CPNE4: variants seen among roughly 807,000 people sequenced by gnomAD.
CPNE4 encodes the protein copine 4, also known as copine-4.
Under a neutral mutation model 67.9 loss-of-function variants are expected in CPNE4, and 25 were observed. That is an observed-to-expected ratio of 0.37 (90% CI 0.27 to 0.51). The LOEUF (loss-of-function observed/expected upper bound fraction) is 0.51. Among genes scored for constraint, CPNE4 ranks in the 20% least tolerant of loss-of-function variants. CPNE4 has a pLI of 0.93. For missense variants in CPNE4, 464 were observed against 690.8 expected (o/e 0.67, Z 3.68); for synonymous variants, 242 against 244.9 (o/e 0.99, Z 0.11).
chr3:131,875,123 G>T (rs1380694535), intron 2 of CPNE4, among the ~76,000 whole-genome samples: 1 of 152,072 alleles, frequency 6.6e-6, no homozygotes, highest in African/African-American at 2.4e-5. Flanking sequence ...TAAAATATCT[G>T]GGATTTCATC....
At chr3:131,988,750 A>G (rs1347712818) in intron 1 of CPNE4, among the ~76,000 whole-genome samples, 3 of 152,202 alleles carry the variant, frequency 2.0e-5, no homozygotes. Context: ...TTTAGTTAAC[A>G]TAGTTTTCCA....
chr3:131,710,122 ATATT>A (rs1402220807), intron 3 of CPNE4, among the ~76,000 whole-genome samples: 1 of 152,218 alleles, frequency 6.6e-6, no homozygotes, highest in Non-Finnish European at 1.5e-5. Context: ...GAATCCATAT[ATATT>A]TATTTGAATA....
chr3:131,958,609 C>CTTTTTTTTT lies in CPNE4; in HGVS notation c.-1-53174_-1-53166dup, dbSNP rs748126986. 7.6e-3 allele frequency among the ~76,000 whole-genome samples: 726 copies of CTTTTTTTTT among 95,840 alleles called. 57 individuals carry two copies. Among genetic ancestry groups the CTTTTTTTTT allele is most frequent in the African/African-American group, 9.5e-3 (190 of 20,014 alleles). 62.9% of individuals were successfully genotyped at this position (95,840 alleles called of 152,430 possible). ...CAATTGATACACCTTTCTTTCTTTTCTTTTTTTTTTTTTTTTTTTTTTTTT... is the reference window on the plus strand; with the variant it reads ...CAATTGATACACCTTTCTTTCTTTTCTTTTTTTTTTTTTTTTTTTTTTTTTTTTTTTTTT... On this transcript the variant is annotated intron_variant, in intron 1 of 15. Transcript: ENST00000429747.
chr3:131,916,028 C>G (rs1222035949), intron 1 of CPNE4, among the ~76,000 whole-genome samples: 1 of 152,118 alleles, frequency 6.6e-6, no homozygotes, highest in South Asian at 2.1e-4. Context: ...TAAATTTGAA[C>G]TAAATCGCAA....
intron 2 of CPNE4, among the ~76,000 whole-genome samples, chr3:131,816,163 T>C (rs1484111642): frequency 1.3e-5 from 2 of 152,182 alleles, no homozygotes; most frequent in Non-Finnish European, 2.9e-5. Context: ...TATAGCTACT[T>C]AATTATATGT....
intron 2 of CPNE4, among the ~76,000 whole-genome samples, chr3:131,728,682 G>A (rs563065383): frequency 1.2e-4 from 18 of 152,054 alleles, no homozygotes; most frequent in African/African-American, 3.6e-4. Flanking sequence ...AGGCCGAGGC[G>A]GGCGGATCAC....
chr3:131,689,579 G>A (rs1018022546), intron 5 of CPNE4, among the ~76,000 whole-genome samples: 2 of 112,512 alleles, frequency 1.8e-5, no homozygotes, highest in Admixed American at 1.7e-4. Flanking sequence ...TTATGCTTAT[G>A]CCATCTATGA....
At chr3:131,726,294 G>A (rs2081997683) in intron 2 of CPNE4, among the ~76,000 whole-genome samples, 1 of 152,182 alleles carries the variant, frequency 6.6e-6, no homozygotes, top group Non-Finnish European at 1.5e-5. Flanking sequence ...TTGGCATCAA[G>A]CCACACACCT....
chr3:131,854,447 T>C (rs1560469933), intron 2 of CPNE4, among the ~76,000 whole-genome samples: 1 of 151,966 alleles, frequency 6.6e-6, no homozygotes, highest in Non-Finnish European at 1.5e-5. Flanking sequence ...GATTTTTACC[T>C]AAGTGTATAT....
At chr3:131,798,941 A>C (rs1223024879) in intron 2 of CPNE4, among the ~76,000 whole-genome samples, 1 of 152,192 alleles carries the variant, frequency 6.6e-6, no homozygotes, top group African/African-American at 2.4e-5. Context: ...AGAAATTAAT[A>C]AGATAAAAGC....
intron 1 of CPNE4, among the ~76,000 whole-genome samples, chr3:131,924,865 C>G (rs573433575): frequency 6.0e-4 from 91 of 152,256 alleles, no homozygotes; most frequent in African/African-American, 2.1e-3. Context: ...AGCAGGATCA[C>G]AAATGCAACA....
intron 5 of CPNE4, among the ~76,000 whole-genome samples, chr3:131,690,731 T>TAAAA (rs34676188): frequency 6.7e-6 from 1 of 149,916 alleles, no homozygotes; most frequent in Non-Finnish European, 1.5e-5. Flanking sequence ...TCTGCACAGT[T>TAAAA]AAAAAAAAAA....
At chr3:131,581,816 G>C (rs1937855950) in intron 8 of CPNE4, 151 bp from the exon 9 acceptor site, 1 of 628,460 alleles carries the variant, frequency 1.6e-6, no homozygotes, top group African/African-American at 1.8e-5. Context: ...AGGAGCAATA[G>C]GGGGAGTGGT....
At chr3:132,033,078 T>A (rs1158535169) in intron 1 of CPNE4, among the ~76,000 whole-genome samples, 1 of 151,998 alleles carries the variant, frequency 6.6e-6, no homozygotes, top group Non-Finnish European at 1.5e-5. Flanking sequence ...AATAGAAGAG[T>A]ATGGAGAAAA....
intron 2 of CPNE4, among the ~76,000 whole-genome samples, chr3:131,823,956 A>G (rs181874378): frequency 2.6e-5 from 4 of 152,334 alleles, no homozygotes; most frequent in Admixed American, 2.6e-4. Flanking sequence ...GATTACAATG[A>G]ATTCTTGTTA....
At chr3:131,954,681 T>A (rs369958854) in intron 1 of CPNE4, among the ~76,000 whole-genome samples, 23 of 152,264 alleles carry the variant, frequency 1.5e-4, no homozygotes, top group African/African-American at 5.3e-4. Context: ...GTGTGTGATG[T>A]TCCCCATCCT....
chr3:131,780,427 T>C (rs1195127420), intron 2 of CPNE4, among the ~76,000 whole-genome samples: 3 of 152,102 alleles, frequency 2.0e-5, no homozygotes, highest in African/African-American at 7.2e-5. Context: ...GGAATCAATC[T>C]ATATGCCCAT....
At chr3:131,602,509 G>A (rs139166396) in intron 7 of CPNE4, among the ~76,000 whole-genome samples, 1 of 152,262 alleles carries the variant, frequency 6.6e-6, no homozygotes, top group East Asian at 1.9e-4. Context: ...CAAGCTAGGG[G>A]ACATTCCACA....
intron 2 of CPNE4, among the ~76,000 whole-genome samples, chr3:131,816,571 C>CA (rs2084752415): frequency 6.6e-6 from 1 of 152,144 alleles, no homozygotes; most frequent in Non-Finnish European, 1.5e-5. Context: ...GAAACGGAAT[C>CA]AACTCACTTT....
Sources: gnomAD v4.1 joint callset for allele counts (sites outside exome capture counted in the v4.1 genomes callset) on GRCh38, gnomAD v4.1.1 for gene constraint, MANE v1.5 for transcripts, NCBI Gene and HGNC (gene_info 2026-07-23, HGNC 2026-07-21) for gene names.